Variants in DOCK3 observed in about 807,000 individuals in gnomAD.
DOCK3 encodes the protein dedicator of cytokinesis 3, also known as dedicator of cytokinesis protein 3.
A neutral mutation model predicts 265.6 loss-of-function variants in DOCK3; 60 were observed. The observed-to-expected ratio is 0.23, with a 90% CI of 0.18 to 0.28. The LOEUF is 0.28. DOCK3 is among the 10% of genes least tolerant of loss of function. The probability of loss-of-function intolerance (pLI) is 1.00; values close to 1 mark genes in which losing one functional copy is unlikely to be tolerated. For missense variants in DOCK3, 1,981 were observed against 2,594.3 expected, an observed-to-expected ratio of 0.76 and a Z score of 5.14; for synonymous variants, 881 against 938.0, an observed-to-expected ratio of 0.94 and a Z score of 1.11.
chr3:50,812,692 C>T (rs913879760), intron 2 of DOCK3, among the ~76,000 whole-genome samples: 1 of 152,226 alleles, frequency 6.6e-6, no homozygotes, highest in African/African-American at 2.4e-5. Flanking sequence ...ATGTGGGCCA[C>T]TCACAATGGG....
At chr3:50,786,280 T>C (rs2042182494) in intron 2 of DOCK3, among the ~76,000 whole-genome samples, 1 of 152,208 alleles carries the variant, frequency 6.6e-6, no homozygotes, top group African/African-American at 2.4e-5. Flanking sequence ...ATTATAAAAT[T>C]CTAGAAGTCT....
Position 51,315,063 on chromosome 3 carries a change from A to G in DOCK3, c.3337A>G (p.Ile1113Val), listed in dbSNP as rs998329994. The G allele has an allele frequency of 1.9e-6, 3 of 1,612,864 alleles. No homozygotes were observed. The highest frequency in any genetic ancestry group is 2.7e-5 in the African/African-American group (2 of 74,906). ...GGTCCCACAGCCAGAAGTACGGAAT[A>G]TCATGATTCCCATCTTTCATGACAT... ...TLVPQPEVRN[I>V]MIPIFHDMMD... The change falls in exon 32 of 53, where the codon ATC becomes GTC. Residue 1113 changes from isoleucine (I) to valine (V), a missense_variant. Physicochemically the swap from Ile to Val is conservative, Grantham distance 29. This residue lies in a region of DOCK3 where 1,357 missense variants were observed against 1,866.8 expected (regional missense o/e 0.73). Transcript: ENST00000266037.
At chr3:50,843,814 T>TA (rs2045955764) in intron 3 of DOCK3, among the ~76,000 whole-genome samples, 1 of 152,214 alleles carries the variant, frequency 6.6e-6, no homozygotes, top group East Asian at 1.9e-4. Context: ...CTCTTAAACT[T>TA]AAAAAAATAT....
chr3:51,060,454 C>T (rs956341245), intron 5 of DOCK3, among the ~76,000 whole-genome samples: 12 of 152,134 alleles, frequency 7.9e-5, no homozygotes, highest in African/African-American at 1.7e-4. Flanking sequence ...GTGTTTTATA[C>T]GTGAAGTCCT....
intron 9 of DOCK3, among the ~76,000 whole-genome samples, chr3:51,110,015 A>G (rs1278744122): frequency 6.6e-6 from 1 of 152,288 alleles, no homozygotes; most frequent in East Asian, 1.9e-4. Flanking sequence ...GGTAACAACC[A>G]GAGAGTATTT....
chr3:51,320,412 C>T (rs997209089), intron 32 of DOCK3, among the ~76,000 whole-genome samples: 2 of 152,014 alleles, frequency 1.3e-5, no homozygotes, highest in African/African-American at 4.8e-5. Context: ...AAGCTAGCTG[C>T]AGGAGTTTTG....
chr3:51,310,138 C>A, intron 27 of DOCK3, 94 bp from the exon 28 acceptor site: 1 of 912,190 alleles, frequency 1.1e-6, no homozygotes, highest in Non-Finnish European at 1.8e-6. Context: ...CTGGTCCCAC[C>A]CATTGTCATG....
intron 27 of DOCK3, among the ~76,000 whole-genome samples, chr3:51,306,938 C>T (rs1407364470): frequency 6.6e-6 from 1 of 152,136 alleles, no homozygotes; most frequent in African/African-American, 2.4e-5. Flanking sequence ...GTGTATGGGC[C>T]ATACTTTCCT....
At chr3:50,978,987 C>T (rs528163765) in intron 5 of DOCK3, among the ~76,000 whole-genome samples, 5 of 152,318 alleles carry the variant, frequency 3.3e-5, no homozygotes, top group African/African-American at 1.2e-4. Flanking sequence ...TGAGGCAATG[C>T]CTTACCCTGC....
At chr3:51,328,537 G>C (rs1248378208) in intron 32 of DOCK3, among the ~76,000 whole-genome samples, 1 of 148,350 alleles carries the variant, frequency 6.7e-6, no homozygotes, top group Admixed American at 6.9e-5. Context: ...CAGACTTTCT[G>C]TTTCTTCTCA....
intron 12 of DOCK3, among the ~76,000 whole-genome samples, chr3:51,180,243 A>C (rs113948880): frequency 2.0e-5 from 3 of 150,174 alleles, no homozygotes; most frequent in Non-Finnish European, 3.0e-5. Context: ...CACACACACA[A>C]GTGCCACCTT....
At position 50,697,924 on chromosome 3, in the gene DOCK3, T is replaced by C. The variant is rs572119892; in HGVS notation, c.37+22624T>C. ...ATTTTTTTGAGGTAAAAATCAGTTA[T>C]ATAAAATTTATTCTCATAGTAAGTT... On this transcript the variant is annotated intron_variant, in intron 1 of 52. Transcript: ENST00000266037. Among the ~76,000 whole-genome samples the C allele has an allele frequency of 1.1e-4, 17 of 152,210 alleles. 1 individual carries two copies. Among genetic ancestry groups the C allele is most frequent in the Non-Finnish European group, 2.9e-5 (2 of 68,032 alleles).
chr3:51,379,852 G>A (rs558508076), intron 51 of DOCK3, among the ~76,000 whole-genome samples: 4 of 152,256 alleles, frequency 2.6e-5, no homozygotes, highest in Non-Finnish European at 5.9e-5. Context: ...TCATCGCCTA[G>A]CAGTGGGCTA....
Position 50,842,789 on chromosome 3 carries a change from G to A in DOCK3, c.162+1074G>A, listed in dbSNP as rs9811552. Reference sequence around the variant, plus strand: ...TTGAAATACATTCATGAATGCTTACGTGGGAATAGTTTCTACTTGTGGTTT... The same window carrying A: ...TTGAAATACATTCATGAATGCTTACATGGGAATAGTTTCTACTTGTGGTTT... On this transcript the variant is annotated intron_variant, in intron 3 of 52. Coordinates refer to ENST00000266037, the MANE Select transcript of DOCK3 (RefSeq NM_004947.5). Among the ~76,000 whole-genome samples the A allele has an allele frequency of 3.5e-3, 533 of 152,264 alleles. 4 individuals carry two copies. The highest frequency in any genetic ancestry group is 0.012 in the African/African-American group (509 of 41,546).
chr3:50,877,567 C>T (rs894652716), intron 3 of DOCK3: 116 of 519,048 alleles, frequency 2.2e-4, no homozygotes, highest in South Asian at 1.5e-3. Context: ...AATGGTCAAG[C>T]GAGGATTCAG....
chr3:51,217,755 A>G (rs1397714739), intron 14 of DOCK3, among the ~76,000 whole-genome samples: 1 of 152,188 alleles, frequency 6.6e-6, no homozygotes, highest in African/African-American at 2.4e-5. Flanking sequence ...CTGTGTCAGA[A>G]TTAGCTATAA....
chr3:51,383,243 TTTTTCTGGGGG>T lies in DOCK3; in HGVS notation c.*1688_*1698del, dbSNP rs2110673873. The stretch of plus-strand genomic sequence containing the variant: ...ATGGAGGTCTAAATTACCTCCAGGG[TTTTTCTGGGGG>T]TTTATCACCAGTGTGGGTCCCTTCT... On this transcript the variant is annotated 3_prime_UTR_variant, in exon 53 of 53. Transcript: ENST00000266037. The T allele has an allele frequency of 6.6e-6, 1 of 152,404 alleles. No individual in the cohort carries two copies. The highest frequency in any genetic ancestry group is 2.4e-5 in the African/African-American group (1 of 41,466). The allele number at this position is 152,404 out of a possible 1,614,324, so 9.4% of individuals were successfully genotyped here. A position where few individuals can be genotyped will look rare whatever the true frequency, so the allele number is the denominator to read the frequency against.
chr3:51,196,555 A>G (rs1411497973), intron 12 of DOCK3, among the ~76,000 whole-genome samples: 1 of 152,172 alleles, frequency 6.6e-6, no homozygotes, highest in Non-Finnish European at 1.5e-5. Flanking sequence ...TTTAATTGTC[A>G]CAAAGGCTTT....
intron 1 of DOCK3, among the ~76,000 whole-genome samples, chr3:50,768,565 C>T (rs967807136): frequency 6.6e-6 from 1 of 152,138 alleles, no homozygotes; most frequent in South Asian, 2.1e-4. Flanking sequence ...GAGCCAAAGA[C>T]AAAAACCACA....
Sources: allele counts gnomAD v4.1 joint callset (sites outside exome capture counted in the v4.1 genomes callset), GRCh38; gene constraint gnomAD v4.1.1; regional missense constraint gnomAD v4.1.1; transcripts MANE v1.5; gene names NCBI Gene and HGNC (gene_info 2026-07-23, HGNC 2026-07-21).